C12orf42: variants seen among roughly 807,000 people sequenced by gnomAD.
The protein encoded by C12orf42 is uncharacterized protein C12orf42.
Under a neutral mutation model 21.6 loss-of-function variants are expected in C12orf42, and 25 were observed. The ratio of observed to expected loss-of-function variants is 1.16; its 90% CI spans 0.84 to 1.62. The LOEUF (loss-of-function observed/expected upper bound fraction) is 1.62. Among genes scored for constraint, C12orf42 ranks in the 40% most tolerant of loss-of-function variants. The pLI, the probability that C12orf42 is intolerant of heterozygous loss-of-function variation, is 0.00. For missense variants in C12orf42, 483 were observed against 459.3 expected (o/e 1.05, Z -0.47); for synonymous variants, 174 against 175.0 (o/e 0.99, Z 0.05).
At chr12:103,511,506 T>TA in the C12orf42 span, among the ~76,000 whole-genome samples, 3 of 152,140 alleles carry the variant, frequency 2.0e-5, no homozygotes, top group African/African-American at 7.2e-5. Flanking sequence ...AAAAACACTC[T>TA]AATCTTCTCT....
chr12:103,386,733 T>C (rs535002753), intron 3 of C12orf42, among the ~76,000 whole-genome samples: 1 of 152,356 alleles, frequency 6.6e-6, no homozygotes, highest in Non-Finnish European at 1.5e-5. Context: ...CAGTTGCTTT[T>C]GGTGCAGCTA....
the C12orf42 span, among the ~76,000 whole-genome samples, chr12:103,553,650 T>C: frequency 6.6e-6 from 1 of 152,216 alleles, no homozygotes; most frequent in Admixed American, 6.5e-5. Flanking sequence ...TAAATTCCCC[T>C]GATGCTTGGC....
chr12:103,293,259 C>T (rs1296489912), intron 4 of C12orf42, among the ~76,000 whole-genome samples: 1 of 151,994 alleles, frequency 6.6e-6, no homozygotes, highest in Non-Finnish European at 1.5e-5. Flanking sequence ...TAAGGTAAAT[C>T]CCCATGTCTT....
the C12orf42 span, among the ~76,000 whole-genome samples, chr12:103,104,019 C>T: frequency 6.6e-6 from 1 of 152,120 alleles, no homozygotes; most frequent in African/African-American, 2.4e-5. Flanking sequence ...AGCTTATATA[C>T]ATCATTTTAT....
chr12:103,372,718 G>C (rs1015314599), intron 3 of C12orf42, among the ~76,000 whole-genome samples: 6 of 152,068 alleles, frequency 3.9e-5, no homozygotes, highest in African/African-American at 1.4e-4. Context: ...TCTCTCCTCT[G>C]TGATCCAAGT....
chr12:103,233,246 T>C (rs2033359267), downstream of C12orf42, among the ~76,000 whole-genome samples: 1 of 152,206 alleles, frequency 6.6e-6, no homozygotes, highest in Non-Finnish European at 1.5e-5. Flanking sequence ...AGTCTTGAGG[T>C]CAGATAGTGT....
At chr12:103,322,133 ACACACACACACACACACG>A (rs1566077996) in intron 4 of C12orf42, among the ~76,000 whole-genome samples, 38 of 134,638 alleles carry the variant, frequency 2.8e-4, no homozygotes, top group African/African-American at 1.3e-3. Context: ...GCGCACACAC[ACACACACACACACACACG>A]CACACGCACA....
the C12orf42 span, among the ~76,000 whole-genome samples, chr12:103,501,462 C>T: frequency 3.3e-5 from 5 of 152,170 alleles, no homozygotes; most frequent in Admixed American, 6.5e-5. Flanking sequence ...GGATTTAAAG[C>T]TCTCATGATG....
chr12:103,380,720 C>A (rs1168651842), intron 3 of C12orf42, among the ~76,000 whole-genome samples: 1 of 152,148 alleles, frequency 6.6e-6, no homozygotes, highest in Non-Finnish European at 1.5e-5. Flanking sequence ...ATTTTATTTT[C>A]TTGCTTATTA....
chr12:103,305,944 A>G (rs2038252558), intron 5 of C12orf42, 30 bp downstream of exon 5: 2 of 1,567,410 alleles, frequency 1.3e-6, no homozygotes, highest in Non-Finnish European at 1.7e-6. Context: ...TTGAAACAAG[A>G]AGAGTCAGTA....
At chr12:103,305,406 A>G (rs185210503) in intron 5 of C12orf42, among the ~76,000 whole-genome samples, 86 of 152,278 alleles carry the variant, frequency 5.6e-4, no homozygotes, top group African/African-American at 1.9e-3. Context: ...TGAAGTAATA[A>G]TTGTCATTTT....
intron 2 of C12orf42, among the ~76,000 whole-genome samples, chr12:103,420,128 CA>C (rs1205046128): frequency 6.6e-6 from 1 of 152,126 alleles, no homozygotes; most frequent in Non-Finnish European, 1.5e-5. Context: ...CATACTTTTA[CA>C]TAGTTGTTTT....
At chr12:103,345,703 C>T (rs896476925) in intron 4 of C12orf42, among the ~76,000 whole-genome samples, 1 of 152,016 alleles carries the variant, frequency 6.6e-6, no homozygotes, top group Non-Finnish European at 1.5e-5. Context: ...TAAATAAAAG[C>T]AACCTAAATG....
At chr12:103,347,755 C>T (rs73185865) in intron 4 of C12orf42, among the ~76,000 whole-genome samples, 469 of 152,132 alleles carry the variant, frequency 3.1e-3, no homozygotes, top group African/African-American at 8.1e-3. Context: ...CCATACTCTG[C>T]GAGATTAACA....
At chr12:103,294,376 A>G (rs2037012094) in intron 4 of C12orf42, among the ~76,000 whole-genome samples, 1 of 141,478 alleles carries the variant, frequency 7.1e-6, no homozygotes, top group Non-Finnish European at 1.5e-5. Flanking sequence ...AGAAAGAGAA[A>G]GAAGAAAGAA....
At chr12:103,066,424 C>T in the C12orf42 span, among the ~76,000 whole-genome samples, 1 of 152,166 alleles carries the variant, frequency 6.6e-6, no homozygotes, top group Non-Finnish European at 1.5e-5. Flanking sequence ...GCACCAATGG[C>T]CTTAGGGGAA....
At chr12:103,500,067 A>G (rs376818844), upstream of C12orf42, among the ~76,000 whole-genome samples, 9 of 152,346 alleles carry the variant, frequency 5.9e-5, no homozygotes, top group South Asian at 1.9e-3. Flanking sequence ...AAATGATAAT[A>G]TATTACAAAC....
At chr12:103,179,958 G>T in the C12orf42 span, among the ~76,000 whole-genome samples, 1 of 152,104 alleles carries the variant, frequency 6.6e-6, no homozygotes, top group Non-Finnish European at 1.5e-5. Flanking sequence ...AGGGCCTCCA[G>T]GAAGAATGAT....
chr12:103,195,576 G>A, the C12orf42 span, among the ~76,000 whole-genome samples: 1 of 152,082 alleles, frequency 6.6e-6, no homozygotes, highest in East Asian at 1.9e-4. Flanking sequence ...ATGCTTGTTG[G>A]CTAGATGTAT....
Sources: gnomAD v4.1 joint callset for allele counts (sites outside exome capture counted in the v4.1 genomes callset) on GRCh38, gnomAD v4.1.1 for gene constraint, MANE v1.5 for transcripts, NCBI Gene and HGNC (gene_info 2026-07-23, HGNC 2026-07-21) for gene names.